The following CDKAL1 variants were observed in gnomAD, a reference collection of about 807,000 sequenced individuals.
The protein encoded by CDKAL1 is threonylcarbamoyladenosine tRNA methylthiotransferase.
A neutral mutation model predicts 68.2 loss-of-function variants in CDKAL1; 32 were observed. The ratio of observed to expected loss-of-function variants is 0.47; its 90% confidence interval spans 0.35 to 0.63. The LOEUF is 0.63. CDKAL1 is among the 30% of genes least tolerant of loss of function. The pLI is 0.00. For synonymous variants in CDKAL1, 234 were observed against 244.3 expected (o/e 0.96, Z 0.39); for missense variants, 606 against 696.7 (o/e 0.87, Z 1.47).
intron 5 of CDKAL1, among the ~76,000 whole-genome samples, chr6:20,737,976 T>G (rs529642951): frequency 6.6e-6 from 1 of 152,362 alleles, no homozygotes; most frequent in South Asian, 2.1e-4. Flanking sequence ...AGTTCTGAAT[T>G]TGTACTCTTG....
At chr6:20,914,046 T>C (rs1762604216) in intron 9 of CDKAL1, among the ~76,000 whole-genome samples, 1 of 151,968 alleles carries the variant, frequency 6.6e-6, no homozygotes, top group Admixed American at 6.5e-5. Flanking sequence ...TCCCAGCACT[T>C]TGGGAGGCCG....
chr6:20,990,157 C>A (rs1049801707), intron 10 of CDKAL1, among the ~76,000 whole-genome samples: 36 of 152,144 alleles, frequency 2.4e-4, no homozygotes, highest in Admixed American at 3.9e-4. Context: ...GCAGGAGAAT[C>A]TCTTGAACCC....
intron 5 of CDKAL1, among the ~76,000 whole-genome samples, chr6:20,658,155 G>C (rs74788899): frequency 0.018 from 2,724 of 152,272 alleles, 84 homozygotes; most frequent in African/African-American, 0.06. Context: ...TCATTCAGAG[G>C]CTGGTGAAAA....
rs114775360 is a variant in CDKAL1 at position 21,169,109 on chromosome 6, C to T, written c.1300-28912C>T. On this transcript the variant is annotated intron_variant, in intron 13 of 15. Transcript: ENST00000274695. ...TATTTTTATCCAGATGAAAGAAATA[C>T]GGGCAGAAGCAAACTAAAATGGTCT... 7.7e-3 allele frequency among the ~76,000 whole-genome samples: 1,166 copies of T among 152,008 alleles called. 15 individuals are homozygous for T. Among genetic ancestry groups the T allele is most frequent in the African/African-American group, 0.027 (1,101 of 41,464 alleles).
intron 5 of CDKAL1, among the ~76,000 whole-genome samples, chr6:20,673,617 T>C (rs1486606458): frequency 6.6e-6 from 1 of 152,172 alleles, no homozygotes; most frequent in Non-Finnish European, 1.5e-5. Flanking sequence ...TTCCCATGTG[T>C]TGTGGGAGGA....
At chr6:21,124,424 C>CG (rs953479896) in intron 13 of CDKAL1, among the ~76,000 whole-genome samples, 11 of 152,176 alleles carry the variant, frequency 7.2e-5, no homozygotes, top group African/African-American at 2.6e-4. Flanking sequence ...GCAACAGACT[C>CG]GGGGGCATTT....
intron 10 of CDKAL1, among the ~76,000 whole-genome samples, chr6:20,964,060 A>AT (rs529036969): frequency 6.2e-4 from 94 of 152,126 alleles, no homozygotes; most frequent in Non-Finnish European, 8.7e-4. Flanking sequence ...GAAAAAAAAA[A>AT]CTCAACATCA....
At chr6:20,543,604 A>C (rs921821373) in intron 2 of CDKAL1, among the ~76,000 whole-genome samples, 2 of 151,950 alleles carry the variant, frequency 1.3e-5, no homozygotes, top group Admixed American at 6.6e-5. Context: ...ATGACATTCA[A>C]TTTATTACTT....
intron 4 of CDKAL1, among the ~76,000 whole-genome samples, chr6:20,581,208 G>T (rs1009476748): frequency 1.3e-5 from 2 of 152,232 alleles, no homozygotes; most frequent in South Asian, 2.1e-4. Flanking sequence ...CTAAAGTGGA[G>T]CATTGGATGT....
chr6:21,146,893 T>C (rs1776200473), intron 13 of CDKAL1, among the ~76,000 whole-genome samples: 1 of 151,992 alleles, frequency 6.6e-6, no homozygotes, highest in Admixed American at 6.6e-5. Context: ...AGTTTACCTT[T>C]CTATCCAAGA....
At chr6:21,169,670 G>T (rs1472720117) in intron 13 of CDKAL1, among the ~76,000 whole-genome samples, 1 of 152,106 alleles carries the variant, frequency 6.6e-6, no homozygotes, top group South Asian at 2.1e-4. Context: ...GATGAATGTG[G>T]TATATTAGTC....
intron 4 of CDKAL1, among the ~76,000 whole-genome samples, chr6:20,610,203 G>A (rs554894417): frequency 3.3e-5 from 5 of 152,128 alleles, no homozygotes; most frequent in South Asian, 2.1e-4. Context: ...GGTTGATTCC[G>A]TGTCTTTGCT....
At chr6:20,889,867 T>A (rs1761295832) in intron 9 of CDKAL1, among the ~76,000 whole-genome samples, 1 of 152,156 alleles carries the variant, frequency 6.6e-6, no homozygotes, top group Non-Finnish European at 1.5e-5. Flanking sequence ...CCATATGAAC[T>A]TTAAAGTAGT....
At chr6:20,862,762 C>T (rs1759713247) in intron 9 of CDKAL1, among the ~76,000 whole-genome samples, 1 of 152,164 alleles carries the variant, frequency 6.6e-6, no homozygotes, top group South Asian at 2.1e-4. Flanking sequence ...CAAAGTGGCT[C>T]ATGCCTGTAA....
At chr6:20,703,399 T>G (rs548773090) in intron 5 of CDKAL1, among the ~76,000 whole-genome samples, 7 of 152,170 alleles carry the variant, frequency 4.6e-5, no homozygotes, top group Admixed American at 3.9e-4. Flanking sequence ...GCACTTTACA[T>G]AAACAATTTT....
At chr6:20,816,589 A>G (rs1777056913) in intron 8 of CDKAL1, among the ~76,000 whole-genome samples, 1 of 152,180 alleles carries the variant, frequency 6.6e-6, no homozygotes, top group East Asian at 1.9e-4. Context: ...AATGTTCTTG[A>G]AAATAATTTA....
intron 13 of CDKAL1, among the ~76,000 whole-genome samples, chr6:21,130,017 TC>T (rs1197876074): frequency 6.6e-6 from 1 of 152,178 alleles, no homozygotes; most frequent in East Asian, 1.9e-4. Context: ...TGACTCCTAG[TC>T]TGATATGTCT....
At chr6:21,103,014 A>AGTAT (rs1773659009) in intron 12 of CDKAL1, among the ~76,000 whole-genome samples, 1 of 152,230 alleles carries the variant, frequency 6.6e-6, no homozygotes, top group African/African-American at 2.4e-5. Context: ...ATTGTATTGT[A>AGTAT]GTATACCTTA....
At chr6:20,767,164 A>G (rs1044944156) in intron 7 of CDKAL1, among the ~76,000 whole-genome samples, 1 of 152,132 alleles carries the variant, frequency 6.6e-6, no homozygotes, top group African/African-American at 2.4e-5. Flanking sequence ...AGAATGCACT[A>G]TTTTTGGTTA....
Sources: gnomAD v4.1 joint callset for allele counts (sites outside exome capture counted in the v4.1 genomes callset) on GRCh38, gnomAD v4.1.1 for gene constraint, MANE v1.5 for transcripts, NCBI Gene and HGNC (gene_info 2026-07-23, HGNC 2026-07-21) for gene names.